Variants in HPSE2 observed in about 807,000 individuals in gnomAD.
HPSE2 encodes the protein inactive heparanase-2.
Under a neutral mutation model 60.5 loss-of-function variants are expected in HPSE2, and 38 were observed. The observed-to-expected ratio is 0.63, with a 90% CI of 0.48 to 0.82. The LOEUF (loss-of-function observed/expected upper bound fraction) is 0.82. HPSE2 is among the 40% of genes least tolerant of loss of function. HPSE2 has a pLI of 0.00. For synonymous variants in HPSE2, 295 were observed against 293.2 expected (o/e 1.01, Z -0.06); for missense variants, 713 against 740.4 (o/e 0.96, Z 0.43).
At chr10:99,121,539 A>G (rs1294530376) in intron 3 of HPSE2, among the ~76,000 whole-genome samples, 1 of 107,688 alleles carries the variant, frequency 9.3e-6, no homozygotes, top group African/African-American at 2.6e-5. Flanking sequence ...CAGAAAAAAT[A>G]AAAATAAAGA....
rs150463719 is a variant in HPSE2, at chr10:98,827,831, G to T, written c.611-83775C>A. On this transcript the variant is annotated intron_variant, in intron 3 of 11. Coordinates refer to ENST00000370552, the MANE Select transcript of HPSE2 (RefSeq NM_021828.5). The stretch of plus-strand genomic sequence containing the variant: ...AATTTTATGTAGATCACAATACCTA[G>T]ATATTGGGTCAAACATTATTCTAGA... Among the ~76,000 whole-genome samples the T allele has an allele frequency of 1.8e-3, 281 of 152,298 alleles. 1 individual carries two copies. The highest frequency in any genetic ancestry group is 3.4e-3 in the Middle Eastern group (1 of 294).
intron 3 of HPSE2, chr10:99,047,966 C>A (rs1957896268): frequency 1.4e-6 from 1 of 724,050 alleles, no homozygotes; most frequent in East Asian, 2.5e-5. Context: ...AAAGATGTTT[C>A]CGTTTCTTTG....
At chr10:98,780,875 G>A (rs911437566) in intron 3 of HPSE2, among the ~76,000 whole-genome samples, 1 of 152,108 alleles carries the variant, frequency 6.6e-6, no homozygotes, top group Non-Finnish European at 1.5e-5. Flanking sequence ...TCCTCTTCCT[G>A]GGCAGACAAA....
At chr10:98,884,759 A>T (rs1180640200) in intron 3 of HPSE2, among the ~76,000 whole-genome samples, 1 of 152,022 alleles carries the variant, frequency 6.6e-6, no homozygotes, top group East Asian at 1.9e-4. Context: ...AAACTGTTCC[A>T]CCTCAGATCA....
intron 11 of HPSE2, among the ~76,000 whole-genome samples, chr10:98,477,300 T>A (rs934417543): frequency 2.0e-5 from 3 of 152,194 alleles, no homozygotes; most frequent in African/African-American, 7.2e-5. Context: ...TCTTATACAA[T>A]TAAGTGTTCA....
At chr10:98,517,468 TAC>T (rs1432561163) in intron 9 of HPSE2, among the ~76,000 whole-genome samples, 1 of 152,138 alleles carries the variant, frequency 6.6e-6, no homozygotes, top group Non-Finnish European at 1.5e-5. Context: ...ACCTCGTAAA[TAC>T]ACACGTGGAC....
intron 3 of HPSE2, among the ~76,000 whole-genome samples, chr10:99,075,857 T>C (rs918045133): frequency 2.6e-5 from 4 of 152,210 alleles, no homozygotes; most frequent in African/African-American, 9.6e-5. Context: ...TTGGTTACCA[T>C]TTACATGGAA....
chr10:98,637,875 A>G lies in HPSE2; in HGVS notation c.1098+3972T>C, dbSNP rs1016564545. 7.2e-5 allele frequency among the ~76,000 whole-genome samples: 11 copies of G among 152,274 alleles called. No individual in the cohort carries two copies. The East Asian group carries it at 1.9e-3, about 27-fold the overall frequency. ...CTTGGAAGGCCAGGCACGGTGGCTC[A>G]CACTTATAATCCCAGCACTTTGGGA... On this transcript the variant is annotated intron_variant, in intron 7 of 11. Transcript: ENST00000370552.
chr10:99,038,605 G>A (rs542274166), intron 3 of HPSE2, among the ~76,000 whole-genome samples: 4 of 151,998 alleles, frequency 2.6e-5, no homozygotes, highest in Admixed American at 6.6e-5. Context: ...TGACTGTGGC[G>A]GTGGCTATAC....
In HPSE2 at chr10:98,713,713, G is replaced by A. The variant is rs192856900; in HGVS notation, c.956+7944C>T. 2.4e-4 allele frequency among the ~76,000 whole-genome samples: 37 copies of A among 151,964 alleles called. No homozygotes were observed. In the East Asian group the frequency reaches 6.8e-3, roughly 28 times the overall value. The stretch of plus-strand genomic sequence containing the variant: ...TCTCAAGCTTACTTGACCATGGAAT[G>A]TTTTATTTTTTTTTCCTCCACATAA... On this transcript the variant is annotated intron_variant, in intron 5 of 11. Coordinates refer to ENST00000370552, the MANE Select transcript of HPSE2 (RefSeq NM_021828.5).
rs553760791 is a variant in HPSE2, at chr10:98,669,251, G to A, written c.1004+24649C>T. 1.3e-4 allele frequency among the ~76,000 whole-genome samples: 20 copies of A among 152,350 alleles called. No individual in the cohort carries two copies. The South Asian group carries it at 3.9e-3, about 30-fold the overall frequency. On this transcript the variant is annotated intron_variant, in intron 6 of 11. Transcript: ENST00000370552. ...AAAAGTAACAGATGCTGTTGAGGCT[G>A]CAGAGACAAGGGAATGCTTATATAC... is the stretch of plus-strand genomic sequence containing the variant.
chr10:98,901,428 A>G (rs2134980599), intron 3 of HPSE2, among the ~76,000 whole-genome samples: 1 of 152,360 alleles, frequency 6.6e-6, no homozygotes, highest in African/African-American at 2.4e-5. Context: ...GAGCAAATCC[A>G]ATCTCCAACT....
At position 98,486,361 on chromosome 10, in the gene HPSE2, C is replaced by T. The variant is rs1007678793; in HGVS notation, c.1467-3579G>A. On this transcript the variant is annotated intron_variant, in intron 10 of 11. Transcript: ENST00000370552. Reference sequence around the variant, plus strand: ...TCAAGTCCAGGTGGCTTTTGGTTATCTTAGTGAATGTTCCTTTCAGGAGAG... The same window carrying T: ...TCAAGTCCAGGTGGCTTTTGGTTATTTTAGTGAATGTTCCTTTCAGGAGAG... Among the ~76,000 whole-genome samples, 4 of 152,272 alleles carry T rather than the reference C, an allele frequency of 2.6e-5. No individual in the cohort carries two copies. The South Asian group carries it at 6.2e-4, about 24-fold the overall frequency.
chr10:98,488,531 G>A (rs999805202), intron 10 of HPSE2, among the ~76,000 whole-genome samples: 2 of 152,222 alleles, frequency 1.3e-5, no homozygotes, highest in Admixed American at 6.5e-5. Context: ...AGGCTTCTAT[G>A]AGGAGACGCA....
intron 2 of HPSE2, among the ~76,000 whole-genome samples, chr10:99,172,685 C>G (rs1280492348): frequency 6.6e-6 from 1 of 152,122 alleles, no homozygotes; most frequent in African/African-American, 2.4e-5. Flanking sequence ...CCAGACCAGC[C>G]TGGCCAACGC....
intron 6 of HPSE2, among the ~76,000 whole-genome samples, chr10:98,664,333 G>A (rs867279610): frequency 1.1e-3 from 169 of 152,224 alleles, no homozygotes; most frequent in African/African-American, 4.0e-3. Context: ...CACTGAATGG[G>A]GTGAGATGCC....
intron 9 of HPSE2, among the ~76,000 whole-genome samples, chr10:98,499,899 A>G (rs931103248): frequency 2.6e-5 from 4 of 152,266 alleles, no homozygotes; most frequent in African/African-American, 7.2e-5. Flanking sequence ...CAAACTTTAA[A>G]GCAACAGCAG....
At chr10:98,811,497 C>T (rs1951168743) in intron 3 of HPSE2, among the ~76,000 whole-genome samples, 1 of 151,988 alleles carries the variant, frequency 6.6e-6, no homozygotes, top group South Asian at 2.1e-4. Context: ...GGATAGAACT[C>T]TCAGTATGTA....
At chr10:98,894,519 T>C (rs1258781877) in intron 3 of HPSE2, among the ~76,000 whole-genome samples, 2 of 151,578 alleles carry the variant, frequency 1.3e-5, no homozygotes, top group Non-Finnish European at 2.9e-5. Flanking sequence ...TTAAACAGAA[T>C]GGGAAAGCAA....
Sources: gnomAD v4.1 joint callset for allele counts (sites outside exome capture counted in the v4.1 genomes callset) on GRCh38, gnomAD v4.1.1 for gene constraint, MANE v1.5 for transcripts, NCBI Gene and HGNC (gene_info 2026-07-23, HGNC 2026-07-21) for gene names.